Variants in MPHOSPH8 observed in about 807,000 individuals in gnomAD.
The protein encoded by MPHOSPH8 is M-phase phosphoprotein, mpp.
Under a neutral mutation model 87.3 loss-of-function variants are expected in MPHOSPH8, and 45 were observed. The observed-to-expected ratio is 0.52, with a 90% confidence interval of 0.41 to 0.66. MPHOSPH8 has a LOEUF of 0.66. Among genes scored for constraint, MPHOSPH8 ranks in the 30% least tolerant of loss-of-function variants. The probability of loss-of-function intolerance (pLI) is 0.00; values close to 1 mark genes in which losing one functional copy is unlikely to be tolerated. For missense variants in MPHOSPH8, 883 were observed against 1,020.2 expected, an observed-to-expected ratio of 0.87 and a Z score of 1.83; for synonymous variants, 366 against 376.9, an observed-to-expected ratio of 0.97 and a Z score of 0.33.
chr13:19,671,920 A>G lies in MPHOSPH8; in HGVS notation c.*45A>G, dbSNP rs182194718. On this transcript the variant is annotated 3_prime_UTR_variant, in exon 14 of 14. Transcript: ENST00000361479. Reference sequence around the variant, plus strand: ...CGGAGTTCTCTTCAGACCGATTCCTATACTCTCTTTGACAGCAGTTTGGAA... The same window carrying G: ...CGGAGTTCTCTTCAGACCGATTCCTGTACTCTCTTTGACAGCAGTTTGGAA... The G allele has an allele frequency of 2.5e-6, 4 of 1,591,056 alleles. No individual in the cohort carries two copies. Among genetic ancestry groups the G allele is most frequent in the Admixed American group, 1.7e-5 (1 of 59,534 alleles).
intron 7 of MPHOSPH8, among the ~76,000 whole-genome samples, chr13:19,659,955 A>ATTTTTTTTTTTTTT (rs34817892): frequency 1.7e-5 from 1 of 59,132 alleles, no homozygotes; most frequent in African/African-American, 6.0e-5. Context: ...ATATGTATGG[A>ATTTTTTTTTTTTTT]TTTTTTTTTT....
Position 19,647,274 on chromosome 13 carries a change from A to G in MPHOSPH8, c.1201A>G (p.Thr401Ala), listed in dbSNP as rs183665467. The G allele has an allele frequency of 3.5e-5, 56 of 1,603,398 alleles. 1 individual carries two copies. The East Asian group carries it at 1.2e-3, about 34-fold the overall frequency. Residue 401 changes from threonine to alanine, a missense_variant, in exon 3 of 14, where the codon ACG becomes GCG. Thr to Ala is a moderately conservative substitution (Grantham distance 58). Around this residue, in one of 3 missense-constraint regions of MPHOSPH8, gnomAD observed 741 missense variants for 841.5 expected, o/e 0.88. Coordinates refer to ENST00000361479, the MANE Select transcript of MPHOSPH8 (RefSeq NM_017520.4). ...CGGGGAAGAGAGAGGCCTCTGGTCC[A>G]CGGACTCAGCCGAGGAGGTAAGGGC... ...LSGEERGLWSTDSAEEDKETK... is the reference protein window; with the variant it reads ...LSGEERGLWSADSAEEDKETK...
intron 11 of MPHOSPH8, 101 bp downstream of exon 11, chr13:19,668,632 T>G: frequency 7.8e-7 from 1 of 1,274,358 alleles, no homozygotes; most frequent in Admixed American, 2.7e-5. Flanking sequence ...TTTAAGGAAA[T>G]TCCATTACGT....
intron 12 of MPHOSPH8, chr13:19,670,713 G>T (rs954451863): frequency 9.0e-6 from 10 of 1,115,530 alleles, no homozygotes; most frequent in Non-Finnish European, 1.0e-5. Flanking sequence ...GCTAGATATA[G>T]ACATTTTAAC....
intron 1 of MPHOSPH8, among the ~76,000 whole-genome samples, chr13:19,638,390 G>A (rs1230533797): frequency 2.0e-5 from 3 of 151,906 alleles, no homozygotes; most frequent in African/African-American, 4.8e-5. Flanking sequence ...CGAGGCAGAC[G>A]GATCACGAGG....
intron 5 of MPHOSPH8, among the ~76,000 whole-genome samples, chr13:19,655,784 AAT>A (rs1444791923): frequency 6.6e-6 from 1 of 152,214 alleles, no homozygotes. Context: ...AAGACAAAGA[AAT>A]AAAAAAGCCA....
intron 1 of MPHOSPH8, among the ~76,000 whole-genome samples, chr13:19,640,448 C>A (rs1452199194): frequency 6.6e-6 from 1 of 152,048 alleles, no homozygotes; most frequent in Non-Finnish European, 1.5e-5. Context: ...ACCCCTGATA[C>A]AGAGAGATGG....
At chr13:19,639,063 AC>A (rs1457954198) in intron 1 of MPHOSPH8, among the ~76,000 whole-genome samples, 9 of 147,948 alleles carry the variant, frequency 6.1e-5, no homozygotes, top group Non-Finnish European at 1.0e-4. Flanking sequence ...AGCCTGGGCA[AC>A]AGAGCGAGAC....
rs1485305630 is a variant in MPHOSPH8, at chr13:19,646,604, G to C, written c.531G>C (p.Lys177Asn). ...DLKKKKAKAG[K>N]LKDKSKPDLE... The stretch of plus-strand genomic sequence containing the variant: ...AAAAGAAAAAAGCAAAGGCCGGGAA[G>C]CTAAAAGACAAGTCCAAACCAGACC... Residue 177 changes from lysine (K) to asparagine (N), a missense_variant, in exon 3 of 14, where the codon AAG becomes AAC. Physicochemically the swap from Lys to Asn is moderately conservative, Grantham distance 94 (BLOSUM62 0). This residue lies in a region of MPHOSPH8 where 741 missense variants were observed against 841.5 expected (regional missense o/e 0.88). Coordinates refer to ENST00000361479, the MANE Select transcript of MPHOSPH8 (RefSeq NM_017520.4). 3 of 1,583,386 alleles carry C rather than the reference G, an allele frequency of 1.9e-6. No homozygotes were observed. Among genetic ancestry groups the C allele is most frequent in the Non-Finnish European group, 2.6e-6 (3 of 1,173,014 alleles).
At chr13:19,671,783 A>G in intron 13 of MPHOSPH8, 51 bp from the exon 14 acceptor site, 10 of 1,575,154 alleles carry the variant, frequency 6.3e-6, no homozygotes, top group Non-Finnish European at 8.7e-6. Context: ...TTCTTGTAAG[A>G]AAGGGGAAAT....
intron 1 of MPHOSPH8, among the ~76,000 whole-genome samples, chr13:19,636,266 G>A (rs1014455064): frequency 2.6e-5 from 4 of 152,106 alleles, no homozygotes; most frequent in African/African-American, 9.7e-5. Context: ...GGTTTGTTAG[G>A]CCTCCTTATA....
At chr13:19,670,481 A>G in intron 12 of MPHOSPH8, 118 bp downstream of exon 12, 2 of 1,214,558 alleles carry the variant, frequency 1.6e-6, no homozygotes, top group Non-Finnish European at 2.3e-6. Context: ...ACGATCCAGT[A>G]ATAGTGGTTG....
chr13:19,670,228 A>AT lies in MPHOSPH8; in HGVS notation c.2330-4dup, dbSNP rs1228506863. The AT allele has an allele frequency of 6.2e-7, 1 of 1,613,684 alleles. No homozygotes were observed. The highest frequency in any genetic ancestry group is 2.2e-5 in the East Asian group (1 of 44,870). The stretch of plus-strand genomic sequence containing the variant: ...TTGAAGTAATTCACACACATCTCCC[A>AT]TTTTCAGGCTCTGGCATCCTGCTGT... On this transcript the variant is annotated splice_polypyrimidine_tract_variant and splice_region_variant and intron_variant, in intron 11 of 13. Transcript: ENST00000361479.
chr13:19,654,914 A>G (rs532035959), intron 5 of MPHOSPH8, among the ~76,000 whole-genome samples: 2 of 152,196 alleles, frequency 1.3e-5, no homozygotes, highest in South Asian at 4.2e-4. Flanking sequence ...AACCATTGCA[A>G]TCCAGTCTGG....
intron 5 of MPHOSPH8, among the ~76,000 whole-genome samples, chr13:19,655,065 G>A (rs1019244195): frequency 2.0e-5 from 3 of 152,044 alleles, no homozygotes; most frequent in Non-Finnish European, 4.4e-5. Flanking sequence ...TCATGATCAC[G>A]TTGGGTTTTT....
intron 9 of MPHOSPH8, among the ~76,000 whole-genome samples, chr13:19,665,282 T>G (rs988283699): frequency 6.6e-6 from 1 of 152,232 alleles, no homozygotes; most frequent in African/African-American, 2.4e-5. Context: ...GGATTTAGCA[T>G]GTTGAAGTTT....
At chr13:19,644,700 A>G (rs1020251004) in intron 2 of MPHOSPH8, among the ~76,000 whole-genome samples, 1 of 152,232 alleles carries the variant, frequency 6.6e-6, no homozygotes, top group Non-Finnish European at 1.5e-5. Flanking sequence ...TTTGTTTCCT[A>G]ACAGTGTGTT....
chr13:19,672,178 C>T lies in MPHOSPH8; in HGVS notation c.*303C>T. ...TTTTTTCTGGAGACGGAGTTTCGCTCTTGTTGCCCAGGCTGGAGTGCAATG... is the reference window on the plus strand; with the variant it reads ...TTTTTTCTGGAGACGGAGTTTCGCTTTTGTTGCCCAGGCTGGAGTGCAATG... On this transcript the variant is annotated 3_prime_UTR_variant, in exon 14 of 14. Transcript: ENST00000361479. 1 of 288,388 alleles carries T rather than the reference C, an allele frequency of 3.5e-6. No individual in the cohort carries two copies. The highest frequency in any genetic ancestry group is 6.6e-6 in the Non-Finnish European group (1 of 151,098). The allele number at this position is 288,388 out of a possible 1,614,324, so 17.9% of individuals were successfully genotyped here. A position where few individuals can be genotyped will look rare whatever the true frequency, so the allele number is the denominator to read the frequency against.
intron 1 of MPHOSPH8, among the ~76,000 whole-genome samples, chr13:19,637,254 T>G (rs1451850958): frequency 6.6e-6 from 1 of 152,206 alleles, no homozygotes; most frequent in Non-Finnish European, 1.5e-5. Flanking sequence ...AGGTCATATT[T>G]CACTGATAAC....
Sources: allele counts gnomAD v4.1 joint callset (sites outside exome capture counted in the v4.1 genomes callset), GRCh38; gene constraint gnomAD v4.1.1; regional missense constraint gnomAD v4.1.1; transcripts MANE v1.5; gene names NCBI Gene and HGNC (gene_info 2026-07-23, HGNC 2026-07-21).